The following SLC35F4 variants were observed in gnomAD, a reference collection of about 807,000 sequenced individuals.
The protein encoded by SLC35F4 is solute carrier family 35 member F4.
A neutral mutation model predicts 44.2 loss-of-function variants in SLC35F4; 24 were observed. The ratio of observed to expected loss-of-function variants is 0.54; its 90% CI spans 0.39 to 0.76. The LOEUF (loss-of-function observed/expected upper bound fraction) is 0.76. Ranked by LOEUF, SLC35F4 falls within the 30% of genes least tolerant of loss-of-function variation. SLC35F4 has a pLI of 0.00. For missense variants in SLC35F4, 562 were observed against 586.1 expected, an observed-to-expected ratio of 0.96 and a Z score of 0.42; for synonymous variants, 238 against 223.6, an observed-to-expected ratio of 1.06 and a Z score of -0.57.
rs531328221 is a variant in SLC35F4, at chr14:57,855,274, T to C, written c.103+10449A>G. 1.5e-4 allele frequency among the ~76,000 whole-genome samples: 23 copies of C among 152,278 alleles called. 1 individual carries two copies. In the East Asian group the frequency reaches 3.5e-3, roughly 23 times the overall value. On this transcript the variant is annotated intron_variant, in intron 1 of 7. Transcript: ENST00000556826. ...AACCTACAGAATGGGAGAAAATTTTTGCAATCTATCCACCTGACAAAGGAC... is the reference window on the plus strand; with the variant it reads ...AACCTACAGAATGGGAGAAAATTTTCGCAATCTATCCACCTGACAAAGGAC...
chr14:57,839,278 T>C (rs540529533), intron 1 of SLC35F4, among the ~76,000 whole-genome samples: 1 of 152,330 alleles, frequency 6.6e-6, no homozygotes, highest in East Asian at 1.9e-4. Flanking sequence ...TCACTTCTTA[T>C]CCTTCGGTTG....
intron 1 of SLC35F4, among the ~76,000 whole-genome samples, chr14:57,934,908 T>C (rs564677977): frequency 7.3e-4 from 111 of 152,288 alleles, no homozygotes; most frequent in African/African-American, 2.5e-3. Context: ...GGTAAAGTAA[T>C]GGAGAAGACA....
intron 1 of SLC35F4, among the ~76,000 whole-genome samples, chr14:57,618,187 A>G (rs1357265506): frequency 6.6e-6 from 1 of 152,246 alleles, no homozygotes; most frequent in Non-Finnish European, 1.5e-5. Flanking sequence ...ATAAAATGTG[A>G]AAAGACCTAT....
At chr14:57,747,965 T>C (rs1453926387) in intron 1 of SLC35F4, among the ~76,000 whole-genome samples, 1 of 152,210 alleles carries the variant, frequency 6.6e-6, no homozygotes, top group East Asian at 1.9e-4. Flanking sequence ...AATTCACTTT[T>C]AGGAGCATTT....
intron 1 of SLC35F4, among the ~76,000 whole-genome samples, chr14:57,948,562 T>C (rs539866495): frequency 5.3e-5 from 8 of 152,310 alleles, no homozygotes; most frequent in African/African-American, 1.7e-4. Flanking sequence ...TGTTATTTCT[T>C]TTCTTCTGCT....
chr14:57,865,881 C>A lies in SLC35F4; in HGVS notation c.-56G>T. On this transcript the variant is annotated 5_prime_UTR_variant, in exon 1 of 8. Transcript: ENST00000556826. ...GCGGGGCGGAGAGCGCAGCGCGGGGCCCGGGAGCTGGTGCAGGTGCCGGAG... is the reference window on the plus strand; with the variant it reads ...GCGGGGCGGAGAGCGCAGCGCGGGGACCGGGAGCTGGTGCAGGTGCCGGAG... The A allele has an allele frequency of 7.6e-7, 1 of 1,315,664 alleles. No individual in the cohort carries two copies. 81.5% of individuals were successfully genotyped at this position (1,315,664 alleles called of 1,614,324 possible). A position where few individuals can be genotyped will look rare whatever the true frequency, so the allele number is the denominator to read the frequency against.
chr14:57,706,610 G>A (rs1238060651), intron 1 of SLC35F4, among the ~76,000 whole-genome samples: 1 of 152,196 alleles, frequency 6.6e-6, no homozygotes, highest in African/African-American at 2.4e-5. Context: ...GGTAGTCAAA[G>A]AAGGCTCTGT....
At position 57,759,390 on chromosome 14, in the gene SLC35F4, G is replaced by C. The variant is rs181598005; in HGVS notation, c.103+106333C>G. Among the ~76,000 whole-genome samples the C allele has an allele frequency of 1.7e-3, 260 of 151,988 alleles. 2 individuals carry two copies. Among genetic ancestry groups the C allele is most frequent in the African/African-American group, 6.0e-3 (248 of 41,404 alleles). ...AACCTAGGAGTGCAAGACCAGCCTG[G>C]ACAACATGGTGAAACCCCATCCCTA... On this transcript the variant is annotated intron_variant, in intron 1 of 7. Coordinates refer to ENST00000556826, the MANE Select transcript of SLC35F4 (RefSeq NM_001306087.2).
At chr14:57,660,461 A>G (rs73303897) in intron 1 of SLC35F4, among the ~76,000 whole-genome samples, 3,910 of 150,818 alleles carry the variant, frequency 0.026, 160 homozygotes, top group African/African-American at 0.089. Context: ...GTATACTGTG[A>G]TCACTAGCCA....
intron 4 of SLC35F4, among the ~76,000 whole-genome samples, chr14:57,572,533 G>C (rs944778959): frequency 2.0e-5 from 3 of 151,916 alleles, no homozygotes; most frequent in Non-Finnish European, 4.4e-5. Flanking sequence ...CAGGCCAATG[G>C]GAAAAAAGAA....
At chr14:57,740,493 G>A (rs1445369169) in intron 1 of SLC35F4, among the ~76,000 whole-genome samples, 1 of 152,218 alleles carries the variant, frequency 6.6e-6, no homozygotes, top group African/African-American at 2.4e-5. Flanking sequence ...CAGAGGCTGG[G>A]AAGGTTATGG....
chr14:57,920,030 T>G (rs545502618), intron 1 of SLC35F4, among the ~76,000 whole-genome samples: 1 of 152,296 alleles, frequency 6.6e-6, no homozygotes, highest in East Asian at 1.9e-4. Context: ...ACCTCCCTGT[T>G]CAATCTGCCA....
chr14:57,860,018 G>A lies in SLC35F4; in HGVS notation c.103+5705C>T, dbSNP rs536570885. On this transcript the variant is annotated intron_variant, in intron 1 of 7. Coordinates refer to ENST00000556826, the MANE Select transcript of SLC35F4 (RefSeq NM_001306087.2). Reference sequence around the variant, plus strand: ...TGTGGGTTCAGAAAAAGTGGGCCTAGAATTACAGACACACCAAAGATGGTA... The same window carrying A: ...TGTGGGTTCAGAAAAAGTGGGCCTAAAATTACAGACACACCAAAGATGGTA... Among the ~76,000 whole-genome samples, 138 of 152,250 alleles carry A rather than the reference G, an allele frequency of 9.1e-4. 1 individual carries two copies. In the Middle Eastern group the frequency reaches 0.024, roughly 26 times the overall value.
At chr14:57,751,018 C>T (rs528523985) in intron 1 of SLC35F4, among the ~76,000 whole-genome samples, 15 of 152,316 alleles carry the variant, frequency 9.8e-5, no homozygotes, top group Non-Finnish European at 1.8e-4. Context: ...GCACACGTTA[C>T]TTACAGCATC....
chr14:57,626,620 G>T (rs1293013561), intron 1 of SLC35F4, among the ~76,000 whole-genome samples: 4 of 152,060 alleles, frequency 2.6e-5, no homozygotes, highest in African/African-American at 9.7e-5. Context: ...TCCCCCAAAA[G>T]TTCAAGAACC....
intron 1 of SLC35F4, among the ~76,000 whole-genome samples, chr14:57,749,170 G>A (rs1312329178): frequency 6.6e-6 from 1 of 152,162 alleles, no homozygotes; most frequent in Non-Finnish European, 1.5e-5. Context: ...AGGTTGGTAT[G>A]AATACTCTCC....
intron 1 of SLC35F4, among the ~76,000 whole-genome samples, chr14:57,837,863 A>G (rs1451070861): frequency 6.6e-6 from 1 of 152,228 alleles, no homozygotes; most frequent in African/African-American, 2.4e-5. Context: ...CCCCTTCCCC[A>G]ATACACATAC....
intron 1 of SLC35F4, among the ~76,000 whole-genome samples, chr14:57,954,495 T>C (rs2141083042): frequency 6.6e-6 from 1 of 152,210 alleles, no homozygotes; most frequent in Non-Finnish European, 1.5e-5. Flanking sequence ...GCTGCGTTTT[T>C]GAAAAGATTA....
intron 1 of SLC35F4, among the ~76,000 whole-genome samples, chr14:57,855,349 A>C (rs1566907466): frequency 1.3e-5 from 2 of 152,308 alleles, no homozygotes; most frequent in East Asian, 3.9e-4. Flanking sequence ...AGAAAAAAAA[A>C]CAAACAAACC....
Sources: allele counts gnomAD v4.1 joint callset (sites outside exome capture counted in the v4.1 genomes callset), GRCh38; gene constraint gnomAD v4.1.1; transcripts MANE v1.5; gene names NCBI Gene and HGNC (gene_info 2026-07-23, HGNC 2026-07-21).